The following RTTN variants were observed in gnomAD, a reference collection of about 807,000 sequenced individuals.
RTTN encodes the protein rotatin.
RTTN carries 182 observed loss-of-function variants against 269.2 expected under a neutral mutation model. The ratio of observed to expected loss-of-function variants is 0.68; its 90% CI spans 0.60 to 0.76. The LOEUF (loss-of-function observed/expected upper bound fraction) is 0.76. Ranked by LOEUF, RTTN falls within the 30% of genes least tolerant of loss-of-function variation. RTTN has a pLI of 0.00. For synonymous variants in RTTN, 1,006 were observed against 963.5 expected (o/e 1.04, Z -0.82); for missense variants, 2,545 against 2,608.6 (o/e 0.98, Z 0.53).
rs2059552241 is a variant in RTTN, at chr18:70,114,446, T to G, written c.3682A>C (p.Arg1228=). ...AACCTGCAATATTACAAATGGTACCTGTCAGTAACTTCCATGAAATTGAGC... is the reference window on the plus strand; with the variant it reads ...AACCTGCAATATTACAAATGGTACCGGTCAGTAACTTCCATGAAATTGAGC... The part of the protein sequence containing the change: ...LLLNFMEVTD[R]KCSELLYVFQ... Residue 1228 remains arginine (R), a splice_region_variant and synonymous_variant, in exon 27 of 49, where the codon AGG becomes CGG. Coordinates refer to ENST00000640769, the MANE Select transcript of RTTN (RefSeq NM_173630.4). 2 of 1,612,458 alleles carry G rather than the reference T, an allele frequency of 1.2e-6. No individual in the cohort carries two copies. The highest frequency in any genetic ancestry group is 2.7e-5 in the African/African-American group (2 of 74,862).
At chr18:70,163,115 G>A (rs2060891374) in intron 14 of RTTN, among the ~76,000 whole-genome samples, 1 of 145,734 alleles carries the variant, frequency 6.9e-6, no homozygotes, top group Non-Finnish European at 1.5e-5. Flanking sequence ...CAGACACGGT[G>A]GCTCACATTT....
chr18:70,031,624 A>G (rs2057014394), intron 40 of RTTN, among the ~76,000 whole-genome samples: 1 of 151,984 alleles, frequency 6.6e-6, no homozygotes, highest in African/African-American at 2.4e-5. Flanking sequence ...AATTTCTAAT[A>G]TGTACAAAAG....
chr18:70,127,258 C>T (rs1023320332), intron 25 of RTTN, among the ~76,000 whole-genome samples: 5 of 152,078 alleles, frequency 3.3e-5, no homozygotes, highest in African/African-American at 7.2e-5. Flanking sequence ...TAATTATTTG[C>T]TTTTGTGAGG....
chr18:70,188,601 G>C (rs912064289), intron 9 of RTTN, among the ~76,000 whole-genome samples: 1 of 152,212 alleles, frequency 6.6e-6, no homozygotes, highest in Non-Finnish European at 1.5e-5. Flanking sequence ...TTTCTACTTA[G>C]TACTAGAAGG....
intron 1 of RTTN, 81 bp downstream of exon 1, chr18:70,205,547 C>T: frequency 1.3e-6 from 2 of 1,577,954 alleles, no homozygotes; most frequent in Non-Finnish European, 1.7e-6. Flanking sequence ...AGCGGCCGGC[C>T]GCGGAAACGT....
chr18:70,167,681 G>A, intron 12 of RTTN, among the ~76,000 whole-genome samples: 1 of 149,888 alleles, frequency 6.7e-6, no homozygotes, highest in East Asian at 2.0e-4. Context: ...TCCAGCCTGG[G>A]AGACAGAGTG....
At chr18:70,056,514 C>T (rs150789688) in intron 37 of RTTN, among the ~76,000 whole-genome samples, 4 of 152,324 alleles carry the variant, frequency 2.6e-5, no homozygotes, top group Admixed American at 6.5e-5. Flanking sequence ...CAAGTGAGCA[C>T]CTGTCATGAG....
intron 37 of RTTN, 98 bp from the exon 38 acceptor site, chr18:70,054,382 A>C: frequency 8.9e-7 from 1 of 1,120,462 alleles, no homozygotes; most frequent in East Asian, 2.6e-5. Flanking sequence ...AAAAAATAAA[A>C]TATTAACCAT....
rs1221481030 is a variant in RTTN, at chr18:70,099,799, G to C, written c.3904-6995C>G. 3.3e-5 allele frequency among the ~76,000 whole-genome samples: 5 copies of C among 152,276 alleles called. 1 individual carries two copies. The highest frequency in any genetic ancestry group is 7.2e-5 in the African/African-American group (3 of 41,564). On this transcript the variant is annotated intron_variant, in intron 28 of 48. Coordinates refer to ENST00000640769, the MANE Select transcript of RTTN (RefSeq NM_173630.4). ...GATCCAGTTTCAGCTTTCTACATAT[G>C]GCTAGCCAGTTTTCCCAGTACCATT...
chr18:70,062,183 A>G (rs2058007078), intron 35 of RTTN, among the ~76,000 whole-genome samples: 1 of 152,216 alleles, frequency 6.6e-6, no homozygotes, highest in Non-Finnish European at 1.5e-5. Flanking sequence ...AATGCTATTC[A>G]TGTGAAATGT....
intron 22 of RTTN, among the ~76,000 whole-genome samples, chr18:70,134,874 A>G (rs2060086499): frequency 6.6e-6 from 1 of 152,194 alleles, no homozygotes; most frequent in Non-Finnish European, 1.5e-5. Context: ...AGGTTTTTTA[A>G]AAATCATGAA....
rs201326230 is a variant in RTTN at position 70,064,719 on chromosome 18, G to GT, written c.4747+1109dup. Among the ~76,000 whole-genome samples, 1,032 of 152,190 alleles carry GT rather than the reference G, an allele frequency of 6.8e-3. 3 individuals carry two copies. Among genetic ancestry groups the GT allele is most frequent in the Non-Finnish European group, 0.011 (721 of 68,006 alleles). ...GGGAGTGACTGCTAATGGGTATAGG[G>GT]TTTTTTTGCAAGATGATGGAAATAT... On this transcript the variant is annotated intron_variant, in intron 35 of 48. Coordinates refer to ENST00000640769, the MANE Select transcript of RTTN (RefSeq NM_173630.4).
rs1214345714 is a variant in RTTN at position 70,166,977 on chromosome 18, A to G, written c.1744T>C (p.Phe582Leu). Residue 582 changes from phenylalanine (F) to leucine (L), a missense_variant, in exon 13 of 49, where the codon TTT (phenylalanine) becomes CTT (leucine). Physicochemically the swap from Phe to Leu is conservative, Grantham distance 22 (BLOSUM62 0). Coordinates refer to ENST00000640769, the MANE Select transcript of RTTN (RefSeq NM_173630.4). ...VELADQALRS[F>L]SYHQHFPLIK... The stretch of plus-strand genomic sequence containing the variant: ...AGCGGGAAATGCTGATGATAGGAAA[A>G]GCTACGCAAGGCTTGGTCTGCCAGC... 1 of 1,613,880 alleles carries G rather than the reference A, an allele frequency of 6.2e-7. No homozygotes were observed. Among genetic ancestry groups the G allele is most frequent in the South Asian group, 1.1e-5 (1 of 91,038 alleles).
At chr18:70,032,547 T>C (rs1195049152) in intron 40 of RTTN, among the ~76,000 whole-genome samples, 1 of 151,924 alleles carries the variant, frequency 6.6e-6, no homozygotes, top group African/African-American at 2.4e-5. Context: ...TCAGACAAAA[T>C]AGACTTTAAA....
chr18:70,142,403 A>C lies in RTTN; in HGVS notation c.2482-16T>G. 7.4e-7 allele frequency: 1 copy of C among 1,356,284 alleles called. No individual in the cohort carries two copies. The highest frequency in any genetic ancestry group is 1.0e-6 in the Non-Finnish European group (1 of 967,924). The allele number at this position is 1,356,284 out of a possible 1,614,324, so 84.0% of individuals were successfully genotyped here. ...CAGTCTCCAACTACAAACCAAAAAA[A>C]AAAAAAAACCAAAATTACATTTATC... On this transcript the variant is annotated splice_polypyrimidine_tract_variant and intron_variant, in intron 18 of 48. Transcript: ENST00000640769.
intron 32 of RTTN, among the ~76,000 whole-genome samples, chr18:70,085,336 G>A (rs188746400): frequency 6.6e-6 from 1 of 152,172 alleles, no homozygotes; most frequent in South Asian, 2.1e-4. Flanking sequence ...TGACTGGTAG[G>A]GTTACCCTGG....
intron 38 of RTTN, 126 bp from the exon 39 acceptor site, chr18:70,051,674 G>T: frequency 1.7e-6 from 1 of 597,466 alleles, no homozygotes; most frequent in Non-Finnish European, 2.6e-6. Flanking sequence ...ATCAAATGAA[G>T]ACAAATCTAA....
chr18:70,054,390 C>T, intron 37 of RTTN, 106 bp from the exon 38 acceptor site: 1 of 1,074,348 alleles, frequency 9.3e-7, no homozygotes, highest in Non-Finnish European at 1.3e-6. Flanking sequence ...AAATATTAAC[C>T]ATAATTTTTC....
intron 32 of RTTN, among the ~76,000 whole-genome samples, chr18:70,078,367 T>A (rs1452772047): frequency 6.6e-6 from 1 of 151,966 alleles, no homozygotes; most frequent in Non-Finnish European, 1.5e-5. Flanking sequence ...TTATCTCTCA[T>A]GCACTTGTCA....
Sources: gnomAD v4.1 joint callset for allele counts (sites outside exome capture counted in the v4.1 genomes callset) on GRCh38, gnomAD v4.1.1 for gene constraint, MANE v1.5 for transcripts, NCBI Gene and HGNC (gene_info 2026-07-23, HGNC 2026-07-21) for gene names.